Variants in GALNTL6 observed in about 807,000 individuals in gnomAD.
The protein encoded by GALNTL6 is polypeptide N-acetylgalactosaminyltransferase like 6, also known as polypeptide N-acetylgalactosaminyltransferase-like 6.
Under a neutral mutation model 73.7 loss-of-function variants are expected in GALNTL6, and 46 were observed. The observed-to-expected ratio is 0.62, with a 90% CI of 0.49 to 0.80. The LOEUF (loss-of-function observed/expected upper bound fraction) is 0.80. Ranked by LOEUF, GALNTL6 falls within the 30% of genes least tolerant of loss-of-function variation. The pLI, the probability that GALNTL6 is intolerant of heterozygous loss-of-function variation, is 0.00. For missense variants in GALNTL6, 604 were observed against 755.0 expected, an observed-to-expected ratio of 0.80 and a Z score of 2.34; for synonymous variants, 259 against 263.7, an observed-to-expected ratio of 0.98 and a Z score of 0.17.
At chr4:172,234,683 T>C (rs1039293295) in intron 3 of GALNTL6, among the ~76,000 whole-genome samples, 5 of 152,164 alleles carry the variant, frequency 3.3e-5, no homozygotes, top group African/African-American at 1.2e-4. Context: ...TTTTAATAGC[T>C]ACATTTGATT....
intron 5 of GALNTL6, among the ~76,000 whole-genome samples, chr4:172,591,534 G>A (rs1237203309): frequency 6.6e-6 from 1 of 152,130 alleles, no homozygotes; most frequent in Non-Finnish European, 1.5e-5. Context: ...AAAAATGAAT[G>A]TGTTATTTAT....
At chr4:172,648,941 T>G (rs1352212398) in intron 5 of GALNTL6, among the ~76,000 whole-genome samples, 1 of 152,166 alleles carries the variant, frequency 6.6e-6, no homozygotes, top group East Asian at 1.9e-4. Flanking sequence ...AAAATCAGAT[T>G]TGCATTTGAC....
intron 7 of GALNTL6, among the ~76,000 whole-genome samples, chr4:172,845,222 AAAAAAAAAAAAAG>A (rs535013752): frequency 0.013 from 1,837 of 143,816 alleles, 32 homozygotes; most frequent in African/African-American, 0.049. Flanking sequence ...GTCTCAAAAA[AAAAAAAAAAAAAG>A]AAAAAGAAAA....
At chr4:172,953,765 A>G (rs935975912) in intron 10 of GALNTL6, among the ~76,000 whole-genome samples, 3 of 152,258 alleles carry the variant, frequency 2.0e-5, no homozygotes, top group Non-Finnish European at 4.4e-5. Context: ...TCATCCTGAC[A>G]TTGTCTGCTT....
At chr4:171,979,974 CAAG>C (rs1489394196) in intron 2 of GALNTL6, among the ~76,000 whole-genome samples, 5 of 151,852 alleles carry the variant, frequency 3.3e-5, no homozygotes, top group Admixed American at 2.6e-4. Context: ...AACAGCTCCT[CAAG>C]AAGATTTTGC....
intron 5 of GALNTL6, among the ~76,000 whole-genome samples, chr4:172,538,667 A>G (rs1199878980): frequency 6.6e-6 from 1 of 152,170 alleles, no homozygotes; most frequent in Non-Finnish European, 1.5e-5. Flanking sequence ...AAAGATATAG[A>G]TGAAAAAAAC....
At chr4:172,031,446 C>T (rs17057930) in intron 2 of GALNTL6, among the ~76,000 whole-genome samples, 66,800 of 151,838 alleles carry the variant, frequency 0.44, 15,180 homozygotes, top group Admixed American at 0.54. Flanking sequence ...AATAGTGCTA[C>T]GCAAATGTAT....
chr4:171,872,701 G>A (rs938253309), intron 2 of GALNTL6, among the ~76,000 whole-genome samples: 6 of 152,138 alleles, frequency 3.9e-5, no homozygotes, highest in Admixed American at 6.5e-5. Context: ...CCATCTGTGT[G>A]TGTCAGTCTG....
At chr4:172,341,675 C>G (rs971250056) in intron 4 of GALNTL6, among the ~76,000 whole-genome samples, 5 of 152,068 alleles carry the variant, frequency 3.3e-5, no homozygotes, top group Admixed American at 1.3e-4. Flanking sequence ...ACAGGAGTTT[C>G]TCTGCACAGG....
intron 2 of GALNTL6, among the ~76,000 whole-genome samples, chr4:171,999,326 C>T (rs1740599696): frequency 6.6e-6 from 1 of 152,094 alleles, no homozygotes; most frequent in South Asian, 2.1e-4. Flanking sequence ...AATTTTAACA[C>T]AAACACATTT....
chr4:172,706,289 A>G (rs1214220600), intron 5 of GALNTL6, among the ~76,000 whole-genome samples: 1 of 152,004 alleles, frequency 6.6e-6, no homozygotes, highest in Admixed American at 6.6e-5. Flanking sequence ...TCTAAGCTCC[A>G]GGATTTCTGT....
intron 4 of GALNTL6, 128 bp from the exon 5 acceptor site, chr4:172,348,395 C>A: frequency 3.0e-6 from 2 of 668,972 alleles, no homozygotes; most frequent in Non-Finnish European, 5.0e-6. Flanking sequence ...GCTGTACAAA[C>A]TCTGGTTGGA....
At chr4:172,723,753 A>G (rs1322380547) in intron 5 of GALNTL6, among the ~76,000 whole-genome samples, 1 of 150,294 alleles carries the variant, frequency 6.7e-6, no homozygotes, top group African/African-American at 2.4e-5. Flanking sequence ...TGTAGGTATT[A>G]TGTATTATTG....
intron 2 of GALNTL6, among the ~76,000 whole-genome samples, chr4:171,988,425 T>A (rs1192376062): frequency 6.6e-6 from 1 of 152,142 alleles, no homozygotes; most frequent in African/African-American, 2.4e-5. Flanking sequence ...GGTAATTTGC[T>A]GAGCCTAATG....
intron 3 of GALNTL6, among the ~76,000 whole-genome samples, chr4:172,261,075 A>G (rs1738241333): frequency 6.6e-6 from 1 of 150,904 alleles, no homozygotes; most frequent in African/African-American, 2.4e-5. Context: ...TTTTTTTGGT[A>G]TGTTCTTTCC....
At chr4:172,005,882 A>T (rs1038835607) in intron 2 of GALNTL6, among the ~76,000 whole-genome samples, 1 of 152,300 alleles carries the variant, frequency 6.6e-6, no homozygotes, top group Non-Finnish European at 1.5e-5. Flanking sequence ...TTAAATAACT[A>T]TTGAAGTGCC....
At chr4:172,618,031 G>A (rs1266761033) in intron 5 of GALNTL6, among the ~76,000 whole-genome samples, 1 of 152,056 alleles carries the variant, frequency 6.6e-6, no homozygotes, top group Non-Finnish European at 1.5e-5. Flanking sequence ...TGGCATAAAT[G>A]CACAAAGGAA....
At chr4:172,542,362 CG>C (rs1735589188) in intron 5 of GALNTL6, among the ~76,000 whole-genome samples, 1 of 152,114 alleles carries the variant, frequency 6.6e-6, no homozygotes, top group South Asian at 2.1e-4. Flanking sequence ...GGCATTCACC[CG>C]TGCAAGCTCC....
intron 5 of GALNTL6, among the ~76,000 whole-genome samples, chr4:172,407,769 T>G (rs1056051650): frequency 2.0e-5 from 3 of 152,050 alleles, no homozygotes; most frequent in Non-Finnish European, 2.9e-5. Flanking sequence ...ACCGGTTTTT[T>G]GTCCTATGCA....
Sources: gnomAD v4.1 joint callset for allele counts (sites outside exome capture counted in the v4.1 genomes callset) on GRCh38, gnomAD v4.1.1 for gene constraint, MANE v1.5 for transcripts, NCBI Gene and HGNC (gene_info 2026-07-23, HGNC 2026-07-21) for gene names.